Variants in SLC25A13 observed in about 807,000 individuals in gnomAD.
The protein encoded by SLC25A13 is electrogenic aspartate/glutamate antiporter SLC25A13, mitochondrial.
SLC25A13 carries 70 observed loss-of-function variants against 85.5 expected under a neutral mutation model. The ratio of observed to expected loss-of-function variants is 0.82; its 90% CI spans 0.68 to 1.00. The LOEUF is 1.00. SLC25A13 is among the 50% of genes least tolerant of loss of function. SLC25A13 has a pLI of 0.00. For missense variants in SLC25A13, 765 were observed against 819.8 expected (o/e 0.93, Z 0.82); for synonymous variants, 259 against 288.7 (o/e 0.90, Z 1.04).
intron 15 of SLC25A13, among the ~76,000 whole-genome samples, chr7:96,129,652 A>G (rs1039439030): frequency 2.6e-5 from 4 of 152,244 alleles, no homozygotes; most frequent in Non-Finnish European, 5.9e-5. Flanking sequence ...TACTTACTAT[A>G]TATCAGGCAC....
intron 5 of SLC25A13, among the ~76,000 whole-genome samples, chr7:96,207,457 G>T (rs1310857744): frequency 6.6e-6 from 1 of 152,086 alleles, no homozygotes; most frequent in Non-Finnish European, 1.5e-5. Flanking sequence ...ACACGAAAAA[G>T]CCAGGGGCAC....
At chr7:96,170,635 A>G (rs1033976794) in intron 12 of SLC25A13, among the ~76,000 whole-genome samples, 5 of 152,328 alleles carry the variant, frequency 3.3e-5, no homozygotes, top group African/African-American at 9.6e-5. Context: ...ACATTAATTA[A>G]TTAATATAAT....
At position 96,276,613 on chromosome 7, in the gene SLC25A13, A is replaced by G. The variant is rs372934209; in HGVS notation, c.212+583T>C. ...ACTCCAGCCCGAGCAACAGAGTGAG[A>G]ACCTGCCTCAAAAGAAGGAGGGAAA... On this transcript the variant is annotated intron_variant, in intron 3 of 17. Transcript: ENST00000265631. 3.3e-5 allele frequency among the ~76,000 whole-genome samples: 5 copies of G among 152,302 alleles called. No individual in the cohort carries two copies. The East Asian group carries it at 7.7e-4, about 23-fold the overall frequency.
chr7:96,244,137 G>GC (rs1405526254), intron 3 of SLC25A13, among the ~76,000 whole-genome samples: 2 of 151,248 alleles, frequency 1.3e-5, no homozygotes, highest in African/African-American at 4.9e-5. Flanking sequence ...CGTGGGGTCT[G>GC]GGGGGGTCCT....
chr7:96,157,621 C>T lies in SLC25A13; in HGVS notation c.1312-10925G>A, dbSNP rs553267157. Among the ~76,000 whole-genome samples, 7 of 152,122 alleles carry T rather than the reference C, an allele frequency of 4.6e-5. No individual in the cohort carries two copies. The South Asian group carries it at 8.3e-4, about 18-fold the overall frequency. On this transcript the variant is annotated intron_variant, in intron 13 of 17. Coordinates refer to ENST00000265631, the MANE Select transcript of SLC25A13 (RefSeq NM_014251.3). ...GAAATGGAGACCAGCCTGGCTGACA[C>T]GGCAAAATCCTCTCTCTACTAAAAA...
At chr7:96,128,526 C>T (rs1584344379) in intron 15 of SLC25A13, among the ~76,000 whole-genome samples, 2 of 152,146 alleles carry the variant, frequency 1.3e-5, no homozygotes, top group South Asian at 4.1e-4. Context: ...TCTTTGAAGA[C>T]TAAAATCAAC....
In SLC25A13 at chr7:96,176,941, G is replaced by A. The variant is rs1380543941; in HGVS notation, c.1178-5417C>T. Among the ~76,000 whole-genome samples the A allele has an allele frequency of 2.6e-5, 4 of 152,140 alleles. No individual in the cohort carries two copies. In the East Asian group the frequency reaches 7.7e-4, roughly 29 times the overall value. On this transcript the variant is annotated intron_variant, in intron 11 of 17. Coordinates refer to ENST00000265631, the MANE Select transcript of SLC25A13 (RefSeq NM_014251.3). ...GCATCTTTCACACTGAGTGATCTTG[G>A]GTAGTAATTCTTTGAATTCTAGGTT...
At chr7:96,205,846 C>T (rs1401456691) in intron 5 of SLC25A13, among the ~76,000 whole-genome samples, 2 of 152,006 alleles carry the variant, frequency 1.3e-5, no homozygotes, top group East Asian at 1.9e-4. Flanking sequence ...CCAGACTCTA[C>T]ACAGATAAAC....
At chr7:96,272,827 C>T (rs997172362) in intron 3 of SLC25A13, among the ~76,000 whole-genome samples, 2 of 152,174 alleles carry the variant, frequency 1.3e-5, no homozygotes, top group African/African-American at 4.8e-5. Context: ...ACAATATATA[C>T]AGGAGAAATT....
intron 5 of SLC25A13, among the ~76,000 whole-genome samples, chr7:96,193,978 GA>G (rs1391391208): frequency 2.0e-5 from 3 of 152,256 alleles, no homozygotes; most frequent in African/African-American, 7.2e-5. Flanking sequence ...ATTCCCAGGG[GA>G]TAAGTGTGTA....
intron 3 of SLC25A13, among the ~76,000 whole-genome samples, chr7:96,246,505 G>A (rs1797194443): frequency 6.6e-6 from 1 of 151,944 alleles, no homozygotes; most frequent in Non-Finnish European, 1.5e-5. Context: ...CTATTTTCTT[G>A]CATCTGCCGT....
chr7:96,304,605 T>C (rs1444079478), intron 1 of SLC25A13, among the ~76,000 whole-genome samples: 1 of 151,952 alleles, frequency 6.6e-6, no homozygotes, highest in African/African-American at 2.4e-5. Context: ...TAGATGGGAG[T>C]AGCAACCCCT....
intron 13 of SLC25A13, among the ~76,000 whole-genome samples, chr7:96,150,035 C>T (rs757498553): frequency 5.3e-5 from 8 of 151,996 alleles, no homozygotes; most frequent in Non-Finnish European, 8.8e-5. Flanking sequence ...GCAAGTAGGA[C>T]ATGGGAAAAT....
chr7:96,186,500 C>T (rs1794650357), intron 9 of SLC25A13, among the ~76,000 whole-genome samples: 3 of 152,294 alleles, frequency 2.0e-5, no homozygotes, highest in South Asian at 4.1e-4. Context: ...ACTTAAAAAA[C>T]ATTTGTAGTA....
At chr7:96,198,998 T>C (rs1466463454) in intron 5 of SLC25A13, among the ~76,000 whole-genome samples, 1 of 152,180 alleles carries the variant, frequency 6.6e-6, no homozygotes, top group African/African-American at 2.4e-5. Context: ...GAAATTCAGA[T>C]AACAGGATTT....
chr7:96,196,333 C>A lies in SLC25A13; in HGVS notation c.469-3150G>T, dbSNP rs187612281. On this transcript the variant is annotated intron_variant, in intron 5 of 17. Transcript: ENST00000265631. ...AGTAGAAGGTATGTTCAGCGATTTA[C>A]CATTTTCCCTAGTTTATAACTCAAC... is the stretch of plus-strand genomic sequence containing the variant. 3.0e-3 allele frequency among the ~76,000 whole-genome samples: 456 copies of A among 152,326 alleles called. 3 individuals carry two copies. Among genetic ancestry groups the A allele is most frequent in the African/African-American group, 0.01 (431 of 41,570 alleles).
At chr7:96,168,705 A>C (rs145433170) in intron 13 of SLC25A13, among the ~76,000 whole-genome samples, 2 of 152,148 alleles carry the variant, frequency 1.3e-5, no homozygotes, top group African/African-American at 4.8e-5. Context: ...AGAAATCTAT[A>C]ATCATATCTT....
At chr7:96,307,376 T>C (rs950070035) in intron 1 of SLC25A13, among the ~76,000 whole-genome samples, 1 of 152,074 alleles carries the variant, frequency 6.6e-6, no homozygotes, top group Non-Finnish European at 1.5e-5. Flanking sequence ...TATTTACAGA[T>C]AGGATGGCTG....
At chr7:96,207,041 T>C (rs1278379922) in intron 5 of SLC25A13, among the ~76,000 whole-genome samples, 2 of 152,184 alleles carry the variant, frequency 1.3e-5, no homozygotes, top group Non-Finnish European at 2.9e-5. Flanking sequence ...AGCACAACAA[T>C]GTCCTGTGGA....
Sources: allele counts gnomAD v4.1 joint callset (sites outside exome capture counted in the v4.1 genomes callset), GRCh38; gene constraint gnomAD v4.1.1; transcripts MANE v1.5; gene names NCBI Gene and HGNC (gene_info 2026-07-23, HGNC 2026-07-21).